Variants in GALNTL6 observed in about 807,000 individuals in gnomAD.
GALNTL6 encodes polypeptide N-acetylgalactosaminyltransferase-like 6.
GALNTL6 carries 46 observed loss-of-function variants against 73.7 expected under a neutral mutation model. The ratio of observed to expected loss-of-function variants is 0.62; its 90% confidence interval spans 0.49 to 0.80. The LOEUF is 0.80. GALNTL6 is among the 30% of genes least tolerant of loss of function. The pLI, the probability that GALNTL6 is intolerant of heterozygous loss-of-function variation, is 0.00. For synonymous variants in GALNTL6, 259 were observed against 263.7 expected (o/e 0.98, Z 0.17); for missense variants, 604 against 755.0 (o/e 0.80, Z 2.34).
chr4:172,452,869 A>G (rs1356088900), intron 5 of GALNTL6, among the ~76,000 whole-genome samples: 1 of 152,232 alleles, frequency 6.6e-6, no homozygotes, highest in Non-Finnish European at 1.5e-5. Context: ...AAAAGCATTG[A>G]CAGGTAAATT....
At chr4:172,309,158 G>C in intron 3 of GALNTL6, among the ~76,000 whole-genome samples, 1 of 151,974 alleles carries the variant, frequency 6.6e-6, no homozygotes, top group East Asian at 1.9e-4. Flanking sequence ...TGATTGGAGA[G>C]GTTTCCAGTC....
intron 2 of GALNTL6, among the ~76,000 whole-genome samples, chr4:172,033,951 G>C (rs1222679068): frequency 6.6e-6 from 1 of 152,024 alleles, no homozygotes; most frequent in Non-Finnish European, 1.5e-5. Context: ...ATTGCTCAGG[G>C]CTGCCAACTC....
chr4:172,911,431 C>T (rs2610200), intron 8 of GALNTL6, among the ~76,000 whole-genome samples: 5,942 of 152,218 alleles, frequency 0.039, 403 homozygotes, highest in African/African-American at 0.14. Flanking sequence ...CAAAGTAAGT[C>T]AAAGTGTAGT....
chr4:172,495,794 G>T (rs1390173238), intron 5 of GALNTL6, among the ~76,000 whole-genome samples: 1 of 152,094 alleles, frequency 6.6e-6, no homozygotes, highest in African/African-American at 2.4e-5. Context: ...TGATGTTAAG[G>T]TTGCTCATCT....
intron 5 of GALNTL6, among the ~76,000 whole-genome samples, chr4:172,644,016 A>G (rs1740111965): frequency 6.6e-6 from 1 of 151,918 alleles, no homozygotes; most frequent in Non-Finnish European, 1.5e-5. Context: ...CCTTCAATAT[A>G]TGACAGTTTC....
intron 2 of GALNTL6, among the ~76,000 whole-genome samples, chr4:171,877,915 T>C (rs1222270897): frequency 1.3e-5 from 2 of 152,182 alleles, no homozygotes; most frequent in Non-Finnish European, 2.9e-5. Context: ...ACAAGCAAAA[T>C]GAGACTCATC....
At position 171,984,811 on chromosome 4, in the gene GALNTL6, A is replaced by T. The variant is rs180907105; in HGVS notation, c.138+170093A>T. ...GAATTATATAGCCAGCATTATCTGC[A>T]GTGAGTATATCAGCCATGGGAAGTG... is the stretch of plus-strand genomic sequence containing the variant. On this transcript the variant is annotated intron_variant, in intron 2 of 12. Transcript: ENST00000506823. Among the ~76,000 whole-genome samples the T allele has an allele frequency of 9.2e-5, 14 of 152,274 alleles. No individual in the cohort carries two copies. The East Asian group carries it at 2.7e-3, about 29-fold the overall frequency.
At chr4:172,731,568 AT>A (rs1216204127) in intron 5 of GALNTL6, among the ~76,000 whole-genome samples, 2 of 151,022 alleles carry the variant, frequency 1.3e-5, no homozygotes, top group African/African-American at 4.9e-5. Context: ...ATCTTTTATT[AT>A]TTTTTCCTTC....
At chr4:172,585,857 C>T (rs892909208) in intron 5 of GALNTL6, among the ~76,000 whole-genome samples, 1 of 151,940 alleles carries the variant, frequency 6.6e-6, no homozygotes, top group African/African-American at 2.4e-5. Flanking sequence ...AAGATATGAA[C>T]AGACACTTTT....
chr4:172,804,615 T>C (rs1740846515), intron 5 of GALNTL6, among the ~76,000 whole-genome samples: 1 of 152,212 alleles, frequency 6.6e-6, no homozygotes, highest in South Asian at 2.1e-4. Flanking sequence ...TAGTGAGTCT[T>C]CCACTTAGCA....
chr4:172,805,989 A>G (rs1740935655), intron 5 of GALNTL6, among the ~76,000 whole-genome samples: 1 of 152,222 alleles, frequency 6.6e-6, no homozygotes, highest in Non-Finnish European at 1.5e-5. Flanking sequence ...TTAAAATAAG[A>G]AAAAGAGAAA....
chr4:172,846,646 G>A (rs921790689), intron 7 of GALNTL6, among the ~76,000 whole-genome samples: 2 of 152,178 alleles, frequency 1.3e-5, no homozygotes, highest in Admixed American at 1.3e-4. Context: ...TGGTAGTCTA[G>A]TAGCATGAGT....
At chr4:172,405,425 A>G (rs867703845) in intron 5 of GALNTL6, among the ~76,000 whole-genome samples, 1 of 114,264 alleles carries the variant, frequency 8.8e-6, no homozygotes, top group Non-Finnish European at 1.7e-5. Context: ...ATATATATAT[A>G]TATATATATA....
Position 172,355,617 on chromosome 4 carries a change from A to C in GALNTL6, c.553+6928A>C, listed in dbSNP as rs1338007682. On this transcript the variant is annotated intron_variant, in intron 5 of 12. Coordinates refer to ENST00000506823, the MANE Select transcript of GALNTL6 (RefSeq NM_001034845.3). The stretch of plus-strand genomic sequence containing the variant: ...GTACTAAATGAATGAAATAAGCAAA[A>C]CATACTATTACTCGATTGTCTTTAA... Among the ~76,000 whole-genome samples the C allele has an allele frequency of 2.6e-5, 4 of 152,118 alleles. No homozygotes were observed. In the East Asian group the frequency reaches 7.7e-4, roughly 29 times the overall value.
At chr4:172,044,368 T>A (rs965874241) in intron 2 of GALNTL6, among the ~76,000 whole-genome samples, 1 of 151,870 alleles carries the variant, frequency 6.6e-6, no homozygotes, top group Non-Finnish European at 1.5e-5. Flanking sequence ...TAAAGAGAAA[T>A]TGAAAAATGC....
chr4:172,833,781 A>C (rs189254352), intron 7 of GALNTL6, among the ~76,000 whole-genome samples: 31 of 152,284 alleles, frequency 2.0e-4, no homozygotes, highest in African/African-American at 7.5e-4. Flanking sequence ...GGATGGCAAA[A>C]ACTTCTTTCC....
intron 2 of GALNTL6, among the ~76,000 whole-genome samples, chr4:171,937,663 A>G (rs563401914): frequency 1.3e-5 from 2 of 152,280 alleles, no homozygotes; most frequent in South Asian, 4.1e-4. Flanking sequence ...TTATGGAATC[A>G]GCTTCTAGGT....
chr4:172,181,270 A>C (rs2110853804), intron 2 of GALNTL6, among the ~76,000 whole-genome samples: 1 of 152,312 alleles, frequency 6.6e-6, no homozygotes, highest in Non-Finnish European at 1.5e-5. Context: ...TATATCCAGC[A>C]CGATCAAGTC....
At chr4:172,445,070 G>A (rs1045917151) in intron 5 of GALNTL6, among the ~76,000 whole-genome samples, 1 of 152,028 alleles carries the variant, frequency 6.6e-6, no homozygotes, top group Non-Finnish European at 1.5e-5. Context: ...CAAGAGGCAA[G>A]CCAAAAAAGC....
Sources: allele counts gnomAD v4.1 joint callset (sites outside exome capture counted in the v4.1 genomes callset), GRCh38; gene constraint gnomAD v4.1.1; transcripts MANE v1.5; gene names NCBI Gene and HGNC (gene_info 2026-07-23, HGNC 2026-07-21).